The following SLC14A2 variants were observed in gnomAD, a reference collection of about 807,000 sequenced individuals.
SLC14A2 encodes solute carrier family 14 member 2.
In SLC14A2, 91 loss-of-function variants were observed where a neutral mutation model predicts 104.6. That is an observed-to-expected ratio of 0.87 (90% confidence interval 0.73 to 1.04). SLC14A2 has a LOEUF of 1.04. SLC14A2 is among the 50% of genes least tolerant of loss of function. SLC14A2 has a pLI of 0.00. For synonymous variants in SLC14A2, 476 were observed against 466.4 expected (o/e 1.02, Z -0.27); for missense variants, 1,189 against 1,156.0 (o/e 1.03, Z -0.41).
intron 1 of SLC14A2, among the ~76,000 whole-genome samples, chr18:45,316,044 G>A (rs2085126125): frequency 6.6e-6 from 1 of 152,162 alleles, no homozygotes; most frequent in Non-Finnish European, 1.5e-5. Context: ...GAAGAAGTAG[G>A]GGGCTATTCT....
chr18:45,542,050 T>TGG (rs2043895217), intron 2 of SLC14A2, among the ~76,000 whole-genome samples: 1 of 123,000 alleles, frequency 8.1e-6, no homozygotes, highest in African/African-American at 3.4e-5. Flanking sequence ...TTTTTTTTTT[T>TGG]TTTTTTTTTT....
intron 2 of SLC14A2, among the ~76,000 whole-genome samples, chr18:45,596,341 G>C (rs954523359): frequency 6.6e-6 from 1 of 152,254 alleles, no homozygotes; most frequent in South Asian, 2.1e-4. Context: ...GGCATGCGCA[G>C]CTAGAACACG....
chr18:45,612,668 T>G (rs2044991681), upstream of SLC14A2, among the ~76,000 whole-genome samples: 1 of 152,220 alleles, frequency 6.6e-6, no homozygotes, highest in African/African-American at 2.4e-5. Flanking sequence ...TCCCCAAGGA[T>G]GCACAGCTAA....
intron 2 of SLC14A2, among the ~76,000 whole-genome samples, chr18:45,490,331 G>T (rs1410965662): frequency 6.6e-6 from 1 of 152,100 alleles, no homozygotes; most frequent in Non-Finnish European, 1.5e-5. Context: ...TACATGATGG[G>T]GTGATTACAA....
At chr18:45,283,104 G>A (rs1258330734) in intron 1 of SLC14A2, among the ~76,000 whole-genome samples, 1 of 152,168 alleles carries the variant, frequency 6.6e-6, no homozygotes, top group African/African-American at 2.4e-5. Context: ...GTATCTGACT[G>A]TGACCCTCCT....
chr18:45,184,339 T>C, the SLC14A2 span, among the ~76,000 whole-genome samples: 1 of 152,238 alleles, frequency 6.6e-6, no homozygotes, highest in African/African-American at 2.4e-5. Flanking sequence ...TGCCACTCTT[T>C]GGTGGCAAAT....
intron 1 of SLC14A2, among the ~76,000 whole-genome samples, chr18:45,340,599 C>G (rs1483874357): frequency 6.6e-6 from 1 of 152,168 alleles, no homozygotes; most frequent in Non-Finnish European, 1.5e-5. Flanking sequence ...GCTCTGGATC[C>G]TAAAGCAAGT....
At chr18:45,188,944 C>G in the SLC14A2 span, among the ~76,000 whole-genome samples, 1 of 152,156 alleles carries the variant, frequency 6.6e-6, no homozygotes, top group East Asian at 1.9e-4. Flanking sequence ...GTGGGAATAC[C>G]TCTGCTTGCA....
At chr18:45,171,743 G>T in the SLC14A2 span, among the ~76,000 whole-genome samples, 1 of 152,124 alleles carries the variant, frequency 6.6e-6, no homozygotes, top group Non-Finnish European at 1.5e-5. Flanking sequence ...TTTCTCAGAT[G>T]AGTAATACCA....
chr18:45,399,985 G>A (rs1258355236), intron 1 of SLC14A2, among the ~76,000 whole-genome samples: 1 of 152,148 alleles, frequency 6.6e-6, no homozygotes, highest in Non-Finnish European at 1.5e-5. Flanking sequence ...CATATCACAG[G>A]CAGTTGCAAT....
At chr18:45,390,754 A>G (rs2085952130) in intron 1 of SLC14A2, among the ~76,000 whole-genome samples, 1 of 152,198 alleles carries the variant, frequency 6.6e-6, no homozygotes, top group South Asian at 2.1e-4. Flanking sequence ...TGCTGGAGCC[A>G]GGCACCAAGC....
At chr18:45,393,192 T>C (rs1158159299) in intron 1 of SLC14A2, among the ~76,000 whole-genome samples, 1 of 152,146 alleles carries the variant, frequency 6.6e-6, no homozygotes, top group Admixed American at 6.5e-5. Context: ...CGTTTTATTA[T>C]CTAAGAGAGA....
chr18:45,364,712 C>T lies in SLC14A2; in HGVS notation c.-124-118521C>T, dbSNP rs74686669. 3.6e-3 allele frequency among the ~76,000 whole-genome samples: 544 copies of T among 152,142 alleles called. 4 individuals are homozygous for T. The highest frequency in any genetic ancestry group is 0.013 in the African/African-American group (521 of 41,492). On this transcript the variant is annotated intron_variant, in intron 1 of 20. Transcript: ENST00000586448. ...CAAGCAGCAGGGATTGGGGAATGCACGTTTTAGAATAGTGCTTGGCACCTA... is the reference window on the plus strand; with the variant it reads ...CAAGCAGCAGGGATTGGGGAATGCATGTTTTAGAATAGTGCTTGGCACCTA...
chr18:45,228,953 C>G (rs1163839250), intron 1 of SLC14A2, among the ~76,000 whole-genome samples: 1 of 152,126 alleles, frequency 6.6e-6, no homozygotes, highest in Non-Finnish European at 1.5e-5. Context: ...GGTTCCACCT[C>G]CAGTGTTTTC....
chr18:45,367,831 G>T (rs1438771617), intron 1 of SLC14A2, among the ~76,000 whole-genome samples: 1 of 152,066 alleles, frequency 6.6e-6, no homozygotes, highest in Admixed American at 6.5e-5. Context: ...GGCTATCTTG[G>T]CTCAACTTAC....
rs554984199 is a variant in SLC14A2, at chr18:45,448,243, A to G, written c.-124-34990A>G. On this transcript the variant is annotated intron_variant, in intron 1 of 20. Coordinates refer to the SLC14A2 transcript ENST00000586448. ...CTTACATCCCTTCCCAAAATCTACC[A>G]TGTTGCTTGCAGCTTAAACAGCTAA... is the stretch of plus-strand genomic sequence containing the variant. Among the ~76,000 whole-genome samples the G allele has an allele frequency of 3.7e-4, 57 of 152,244 alleles. 1 individual carries two copies. Among genetic ancestry groups the G allele is most frequent in the Admixed American group, 6.5e-4 (10 of 15,278 alleles).
intron 2 of SLC14A2, among the ~76,000 whole-genome samples, chr18:45,602,513 G>A (rs1010624222): frequency 4.6e-5 from 7 of 152,226 alleles, no homozygotes; most frequent in African/African-American, 1.7e-4. Flanking sequence ...CCCAAGGGTG[G>A]AGTTAGCATA....
chr18:45,244,484 G>A (rs10853531), intron 1 of SLC14A2, among the ~76,000 whole-genome samples: 35,041 of 151,944 alleles, frequency 0.23, 4,208 homozygotes, highest in African/African-American at 0.29. Context: ...AAAATTAGCC[G>A]GGCGTGGTGG....
At chr18:45,650,940 T>C (rs973029033) in intron 10 of SLC14A2, among the ~76,000 whole-genome samples, 10 of 151,964 alleles carry the variant, frequency 6.6e-5, no homozygotes, top group African/African-American at 2.2e-4. Context: ...GGTTTCACCA[T>C]GTTGGCCGGG....
Sources: gnomAD v4.1 joint callset for allele counts (sites outside exome capture counted in the v4.1 genomes callset) on GRCh38, gnomAD v4.1.1 for gene constraint, MANE v1.5 for transcripts, NCBI Gene and HGNC (gene_info 2026-07-23, HGNC 2026-07-21) for gene names.